The following DPY19L2 variants were observed in gnomAD, a reference collection of about 807,000 sequenced individuals.
The protein encoded by DPY19L2 is probable C-mannosyltransferase DPY19L2.
Under a neutral mutation model 97.9 loss-of-function variants are expected in DPY19L2, and 34 were observed. The ratio of observed to expected loss-of-function variants is 0.35; its 90% CI spans 0.26 to 0.46. DPY19L2 has a LOEUF of 0.46. DPY19L2 is among the 20% of genes least tolerant of loss of function. The pLI, the probability that DPY19L2 is intolerant of heterozygous loss-of-function variation, is 1.00. For synonymous variants in DPY19L2, 230 were observed against 307.9 expected (o/e 0.75, Z 2.65); for missense variants, 623 against 911.4 (o/e 0.68, Z 4.07).
chr12:63,631,884 T>A (rs879003943), intron 6 of DPY19L2, among the ~76,000 whole-genome samples: 1 of 152,116 alleles, frequency 6.6e-6, no homozygotes, highest in Admixed American at 6.6e-5. Flanking sequence ...GTGGGCTTCA[T>A]CCCTGGGATG....
At chr12:63,602,813 T>C (rs946239801) in intron 12 of DPY19L2, among the ~76,000 whole-genome samples, 9 of 152,138 alleles carry the variant, frequency 5.9e-5, no homozygotes, top group African/African-American at 2.2e-4. Flanking sequence ...CATTCAAGTA[T>C]AGACGTTATT....
chr12:63,611,034 C>G (rs1311262261), intron 11 of DPY19L2, among the ~76,000 whole-genome samples: 1 of 151,734 alleles, frequency 6.6e-6, no homozygotes, highest in East Asian at 1.9e-4. Flanking sequence ...GAGATACCAC[C>G]TCAAAACTTA....
chr12:63,580,767 T>G lies in DPY19L2; in HGVS notation c.1795A>C (p.Ile599Leu), dbSNP rs752147860. 9 of 1,613,570 alleles carry G rather than the reference T, an allele frequency of 5.6e-6. No individual in the cohort carries two copies. In the East Asian group the frequency reaches 1.8e-4, roughly 32 times the overall value. ...TTACGGAGGTTTGCATAACCTTGTA[T>G]TGACATCACTGTTAAAATGCCAAAG... is the stretch of plus-strand genomic sequence containing the variant. Reference protein sequence around the residue: ...VIFGILTVMSIQGYANLRNQW... With the variant: ...VIFGILTVMSLQGYANLRNQW... Residue 599 changes from isoleucine to leucine, a missense_variant, in exon 19 of 22, where the codon ATA becomes CTA. Around this residue, in one of 6 missense-constraint regions of DPY19L2, gnomAD observed 294 missense variants for 446.2 expected, o/e 0.66. Transcript: ENST00000324472.
chr12:63,574,008 G>A (rs1265461458), intron 19 of DPY19L2, among the ~76,000 whole-genome samples: 1 of 152,022 alleles, frequency 6.6e-6, no homozygotes, highest in African/African-American at 2.4e-5. Flanking sequence ...GTAATAGTAA[G>A]TACACAGAGA....
chr12:63,587,861 G>A (rs1006899245), intron 16 of DPY19L2, among the ~76,000 whole-genome samples: 5 of 151,978 alleles, frequency 3.3e-5, no homozygotes, highest in African/African-American at 9.7e-5. Flanking sequence ...ATGAGCCACC[G>A]AACCCGGCCT....
At chr12:63,612,992 T>A (rs1336864932) in intron 11 of DPY19L2, among the ~76,000 whole-genome samples, 2 of 152,114 alleles carry the variant, frequency 1.3e-5, no homozygotes, top group African/African-American at 2.4e-5. Context: ...CCTTATACCT[T>A]ATTAATGAAA....
intron 21 of DPY19L2, among the ~76,000 whole-genome samples, chr12:63,562,667 T>A (rs1279700991): frequency 6.6e-6 from 1 of 151,412 alleles, no homozygotes; most frequent in Non-Finnish European, 1.5e-5. Flanking sequence ...CACTTGGCAG[T>A]TTTTTTTTCA....
chr12:63,600,231 G>T lies in DPY19L2; in HGVS notation c.1359+75C>A, dbSNP rs560459815. On this transcript the variant is annotated intron_variant, in intron 13 of 21. Transcript: ENST00000324472. Reference sequence around the variant, plus strand: ...TAACCTCTGTAAAATGAAGAGATAAGAATAGATGGTTTCAAAGTTTTCATT... The same window carrying T: ...TAACCTCTGTAAAATGAAGAGATAATAATAGATGGTTTCAAAGTTTTCATT... The T allele has an allele frequency of 1.5e-5, 19 of 1,248,936 alleles. No homozygotes were observed. In the South Asian group the frequency reaches 2.1e-4, roughly 14 times the overall value. 77.4% of individuals were successfully genotyped at this position (1,248,936 alleles called of 1,614,324 possible).
intron 6 of DPY19L2, among the ~76,000 whole-genome samples, chr12:63,641,749 G>A (rs573764520): frequency 3.3e-5 from 5 of 152,188 alleles, no homozygotes; most frequent in African/African-American, 9.6e-5. Flanking sequence ...AGCTATTGCA[G>A]ATAATGCTAC....
chr12:63,620,143 T>C (rs1241503810), intron 9 of DPY19L2: 7 of 320,866 alleles, frequency 2.2e-5, no homozygotes, highest in Admixed American at 4.2e-5. Flanking sequence ...TGGAAAATCT[T>C]AGTATCATGA....
At chr12:63,648,066 A>G (rs1893672849) in intron 4 of DPY19L2, among the ~76,000 whole-genome samples, 1 of 152,112 alleles carries the variant, frequency 6.6e-6, no homozygotes, top group Non-Finnish European at 1.5e-5. Context: ...CATGAGTGAG[A>G]TTAAAGCTAT....
intron 6 of DPY19L2, among the ~76,000 whole-genome samples, chr12:63,632,635 C>A (rs975985435): frequency 1.3e-5 from 2 of 152,134 alleles, no homozygotes; most frequent in Non-Finnish European, 2.9e-5. Context: ...AATGGCCATA[C>A]TGCCCAAGGT....
intron 6 of DPY19L2, among the ~76,000 whole-genome samples, chr12:63,639,512 C>T (rs1480776849): frequency 4.6e-5 from 7 of 151,606 alleles, no homozygotes; most frequent in Non-Finnish European, 1.0e-4. Flanking sequence ...AGAAAAAAAT[C>T]AAACAACCCC....
At chr12:63,628,252 C>T (rs1365927738) in intron 6 of DPY19L2, among the ~76,000 whole-genome samples, 2 of 152,106 alleles carry the variant, frequency 1.3e-5, no homozygotes, top group Admixed American at 1.3e-4. Context: ...CGAGCATGAG[C>T]CAAAGCAGGG....
chr12:63,589,747 G>GTTCTACAA (rs1204548362), intron 16 of DPY19L2, among the ~76,000 whole-genome samples: 2 of 152,124 alleles, frequency 1.3e-5, no homozygotes, highest in Non-Finnish European at 2.9e-5. Flanking sequence ...ACAAAGCAGA[G>GTTCTACAA]ACCATAAATG....
At chr12:63,628,572 C>A (rs1027620843) in intron 6 of DPY19L2, among the ~76,000 whole-genome samples, 1 of 152,142 alleles carries the variant, frequency 6.6e-6, no homozygotes, top group African/African-American at 2.4e-5. Flanking sequence ...AGCCAGGAAG[C>A]TCGAACAGGG....
intron 14 of DPY19L2, 39 bp from the exon 15 acceptor site, chr12:63,596,076 T>A (rs1430573284): frequency 1.9e-6 from 3 of 1,549,760 alleles, no homozygotes; most frequent in Admixed American, 3.9e-5. Flanking sequence ...TTACTTACAA[T>A]TTTTACATTA....
chr12:63,617,139 T>C (rs1887974508), intron 11 of DPY19L2, among the ~76,000 whole-genome samples, 165 bp downstream of exon 11: 1 of 152,180 alleles, frequency 6.6e-6, no homozygotes, highest in African/African-American at 2.4e-5. Context: ...CCTACTATAG[T>C]ATTTTTCAAG....
chr12:63,582,474 T>C lies in DPY19L2; in HGVS notation c.1657A>G (p.Ile553Val). The change falls in exon 18 of 22, where the codon ATT (isoleucine) becomes GTT (valine). Residue 553 changes from isoleucine (I) to valine (V), a missense_variant. By Grantham distance (29) the Ile-to-Val change is conservative (BLOSUM62 3). Coordinates refer to ENST00000324472, the MANE Select transcript of DPY19L2 (RefSeq NM_173812.5). ...LLVFTALAIL[I>V]MRLKMFLTPH... ...GTCAAAAACATCTTTAGCCTCATAA[T>C]TAAAATGGCAAGGGCAGTAAACACT... The C allele has an allele frequency of 6.2e-7, 1 of 1,613,610 alleles. No homozygotes were observed.
Sources: gnomAD v4.1 joint callset for allele counts (sites outside exome capture counted in the v4.1 genomes callset) on GRCh38, gnomAD v4.1.1 for gene constraint, gnomAD v4.1.1 regional missense constraint, MANE v1.5 for transcripts, NCBI Gene and HGNC (gene_info 2026-07-23, HGNC 2026-07-21) for gene names.